Variants in CPLX2 observed in about 807,000 individuals in gnomAD.
CPLX2 encodes complexin 2.
A neutral mutation model predicts 16.3 loss-of-function variants in CPLX2; 5 were observed. That is an observed-to-expected ratio of 0.31 (90% CI 0.16 to 0.64). CPLX2 has a LOEUF of 0.64. Ranked by LOEUF, CPLX2 falls within the 30% of genes least tolerant of loss-of-function variation. CPLX2 has a pLI of 0.79. For missense variants in CPLX2, 144 were observed against 181.4 expected (o/e 0.79, Z 1.18); for synonymous variants, 89 against 73.2 (o/e 1.22, Z -1.10).
intron 2 of CPLX2, among the ~76,000 whole-genome samples, chr5:175,865,012 C>A (rs1222877285): frequency 2.0e-5 from 3 of 152,114 alleles, no homozygotes; most frequent in Non-Finnish European, 2.9e-5. Context: ...TCACTGATTT[C>A]TTTAATGCAT....
chr5:175,818,650 CTTTTTTTTTTTT>C (rs70988300), intron 2 of CPLX2, among the ~76,000 whole-genome samples: 2 of 50,808 alleles, frequency 3.9e-5, no homozygotes, highest in Admixed American at 7.1e-4. Flanking sequence ...CTGTCCCAAC[CTTTTTTTTTTTT>C]TTTTTTTTTT....
rs111696214 is a variant in CPLX2, at chr5:175,853,243, C to T, written c.-88-25409C>T. Among the ~76,000 whole-genome samples the T allele has an allele frequency of 5.8e-3, 884 of 152,322 alleles. 7 individuals carry two copies. Among genetic ancestry groups the T allele is most frequent in the African/African-American group, 0.02 (830 of 41,562 alleles). ...GTAAATAGCATAGGTGGTTTGGAGA[C>T]GTGGCAAATACCATAGAGGTGCTAC... On this transcript the variant is annotated intron_variant, in intron 2 of 4. Transcript: ENST00000359546.
chr5:175,815,242 G>A (rs1296214941), intron 2 of CPLX2, among the ~76,000 whole-genome samples: 1 of 152,202 alleles, frequency 6.6e-6, no homozygotes, highest in Non-Finnish European at 1.5e-5. Flanking sequence ...CCGATGGGCT[G>A]GGGGCCCTAG....
chr5:175,881,280 T>C lies in CPLX2; in HGVS notation c.*1235T>C, dbSNP rs1005936490. The C allele has an allele frequency of 2.0e-5, 3 of 153,020 alleles. No individual in the cohort carries two copies. Among genetic ancestry groups the C allele is most frequent in the Non-Finnish European group, 4.4e-5 (3 of 68,202 alleles). 9.5% of individuals were successfully genotyped at this position (153,020 alleles called of 1,614,324 possible). On this transcript the variant is annotated 3_prime_UTR_variant, in exon 4 of 4. Transcript: ENST00000393745. The stretch of plus-strand genomic sequence containing the variant: ...TGCATATGTGTAGGGCTGGAGCGTG[T>C]GTGTGTCTTGAGATTGTGTGTGTTG...
chr5:175,811,783 A>T (rs1045140308), intron 2 of CPLX2, among the ~76,000 whole-genome samples: 4 of 152,246 alleles, frequency 2.6e-5, no homozygotes, highest in Non-Finnish European at 5.9e-5. Context: ...GTCAGCACTG[A>T]AGAGCTGGAT....
At chr5:175,833,183 G>T (rs1758763768) in intron 2 of CPLX2, among the ~76,000 whole-genome samples, 1 of 146,842 alleles carries the variant, frequency 6.8e-6, no homozygotes, top group Non-Finnish European at 1.5e-5. Flanking sequence ...AGAAAAGAAA[G>T]GAAAAGAAAA....
upstream of CPLX2, chr5:175,871,464 A>AGAGAGAGG (rs1759611856): frequency 2.3e-3 from 214 of 93,296 alleles, 10 homozygotes; most frequent in African/African-American, 7.0e-3. Context: ...AGAGAGAGAG[A>AGAGAGAGG]GAGAGAGAGA....
intron 2 of CPLX2, among the ~76,000 whole-genome samples, chr5:175,823,116 C>T (rs1440006093): frequency 6.6e-6 from 1 of 152,244 alleles, no homozygotes; most frequent in African/African-American, 2.4e-5. Flanking sequence ...CCTTATGCTT[C>T]CCCTATTATC....
chr5:175,877,718 C>G (rs1755433534), intron 1 of CPLX2, among the ~76,000 whole-genome samples: 1 of 152,102 alleles, frequency 6.6e-6, no homozygotes, highest in South Asian at 2.1e-4. Flanking sequence ...GGTAAGGAGG[C>G]CAAGGGGGAA....
chr5:175,855,087 C>T (rs1411589630), intron 2 of CPLX2, among the ~76,000 whole-genome samples: 1 of 152,202 alleles, frequency 6.6e-6, no homozygotes, highest in Non-Finnish European at 1.5e-5. Flanking sequence ...GTGTAGCCAG[C>T]AAGGCTTCTT....
chr5:175,799,038 T>C (rs954473109), intron 1 of CPLX2, among the ~76,000 whole-genome samples: 3 of 152,206 alleles, frequency 2.0e-5, no homozygotes, highest in African/African-American at 7.2e-5. Context: ...AGCCACACTA[T>C]AGTGATGAGC....
intron 2 of CPLX2, among the ~76,000 whole-genome samples, chr5:175,856,769 A>G (rs373606479): frequency 6.6e-6 from 1 of 151,980 alleles, no homozygotes; most frequent in South Asian, 2.1e-4. Context: ...GGGCCTGCGC[A>G]CAGCGGGTTC....
chr5:175,835,703 TTTTATTTATTTA>T (rs139896610), intron 2 of CPLX2, among the ~76,000 whole-genome samples: 4 of 144,692 alleles, frequency 2.8e-5, no homozygotes, highest in East Asian at 1.9e-4. Context: ...TGTAAGTGGT[TTTTATTTATTTA>T]TTTATTTATT....
intron 2 of CPLX2, among the ~76,000 whole-genome samples, chr5:175,857,844 G>A (rs1233793153): frequency 1.3e-5 from 2 of 152,202 alleles, no homozygotes; most frequent in Non-Finnish European, 2.9e-5. Flanking sequence ...TTCCAGCTCA[G>A]AGACATGCCT....
At chr5:175,803,628 AG>A (rs1758140331) in intron 1 of CPLX2, among the ~76,000 whole-genome samples, 1 of 152,232 alleles carries the variant, frequency 6.6e-6, no homozygotes, top group Non-Finnish European at 1.5e-5. Context: ...GACAGCGGAA[AG>A]GCTGTAAGGC....
At chr5:175,856,483 C>T (rs1309661621) in intron 2 of CPLX2, among the ~76,000 whole-genome samples, 2 of 152,162 alleles carry the variant, frequency 1.3e-5, no homozygotes, top group Non-Finnish European at 2.9e-5. Context: ...ATCTGAGCTC[C>T]CGCCACGCTC....
intron 2 of CPLX2, among the ~76,000 whole-genome samples, chr5:175,856,978 G>A (rs951041853): frequency 3.9e-5 from 6 of 152,174 alleles, no homozygotes; most frequent in African/African-American, 1.2e-4. Flanking sequence ...GCTGACAAAT[G>A]CAGTCAGAGA....
intron 2 of CPLX2, among the ~76,000 whole-genome samples, chr5:175,821,735 A>C (rs141173147): frequency 6.6e-6 from 1 of 152,308 alleles, no homozygotes; most frequent in Non-Finnish European, 1.5e-5. Context: ...TGGGACACTC[A>C]TTTCCTTCAA....
intron 2 of CPLX2, among the ~76,000 whole-genome samples, chr5:175,834,806 G>A (rs548863707): frequency 2.0e-4 from 30 of 152,268 alleles, no homozygotes; most frequent in East Asian, 9.7e-4. Flanking sequence ...CCTGGGAGAC[G>A]GAGGTTGCAG....
Sources: gnomAD v4.1 joint callset for allele counts (sites outside exome capture counted in the v4.1 genomes callset) on GRCh38, gnomAD v4.1.1 for gene constraint, MANE v1.5 for transcripts, NCBI Gene and HGNC (gene_info 2026-07-23, HGNC 2026-07-21) for gene names.